The following HS2ST1 variants were observed in gnomAD, a reference collection of about 807,000 sequenced individuals.
HS2ST1 encodes the protein 2-O-sulfotransferase.
A neutral mutation model predicts 42.9 loss-of-function variants in HS2ST1; 18 were observed. The ratio of observed to expected loss-of-function variants is 0.42; its 90% CI spans 0.29 to 0.62. The LOEUF (loss-of-function observed/expected upper bound fraction) is 0.62. Ranked by LOEUF, HS2ST1 falls within the 20% of genes least tolerant of loss-of-function variation. HS2ST1 has a pLI of 0.21. For missense variants in HS2ST1, 334 were observed against 433.8 expected (o/e 0.77, Z 2.04); for synonymous variants, 146 against 152.9 (o/e 0.95, Z 0.33).
chr1:86,999,940 G>A (rs976647295), intron 1 of HS2ST1, among the ~76,000 whole-genome samples: 1 of 152,180 alleles, frequency 6.6e-6, no homozygotes, highest in African/African-American at 2.4e-5. Context: ...GTAAATGGCA[G>A]TAATATTCCA....
intron 1 of HS2ST1, among the ~76,000 whole-genome samples, chr1:86,993,765 A>C (rs2100562797): frequency 6.6e-6 from 1 of 152,336 alleles, no homozygotes; most frequent in African/African-American, 2.4e-5. Context: ...CTTTCAAGGC[A>C]GTGGCATGGG....
At position 87,071,729 on chromosome 1, in the gene HS2ST1, G is replaced by GA. The variant is rs537202045; in HGVS notation, c.125-1188dup. On this transcript the variant is annotated intron_variant, in intron 1 of 6. Transcript: ENST00000370550. ...GGTGACAAAGCGAGACTCTGTCTCC[G>GA]AAAAAAAAAAAAAAAAAGATGATTT... 7.1e-3 allele frequency among the ~76,000 whole-genome samples: 769 copies of GA among 107,762 alleles called. 2 individuals are homozygous for GA. Among genetic ancestry groups the GA allele is most frequent in the Non-Finnish European group, 9.8e-3 (484 of 49,608 alleles). 70.7% of individuals were successfully genotyped at this position (107,762 alleles called of 152,430 possible).
intron 5 of HS2ST1, chr1:87,098,270 G>T (rs1178995713): frequency 2.0e-6 from 2 of 1,012,782 alleles, no homozygotes; most frequent in Non-Finnish European, 2.4e-6. Context: ...AAAGCTTACT[G>T]TTTTAGCTAT....
intron 4 of HS2ST1, among the ~76,000 whole-genome samples, chr1:87,096,389 T>TTA (rs1179679834): frequency 6.6e-6 from 1 of 152,230 alleles, no homozygotes; most frequent in Non-Finnish European, 1.5e-5. Context: ...TTTTCAAATG[T>TTA]TAACATATTT....
intron 2 of HS2ST1, 126 bp from the exon 3 acceptor site, chr1:87,084,068 A>G (rs1651757351): frequency 1.8e-6 from 1 of 560,872 alleles, no homozygotes; most frequent in African/African-American, 1.9e-5. Context: ...TCCTTAGTCC[A>G]AACCTGTGTT....
At chr1:86,964,666 C>G (rs563080638) in intron 1 of HS2ST1, among the ~76,000 whole-genome samples, 1 of 152,130 alleles carries the variant, frequency 6.6e-6, no homozygotes, top group Non-Finnish European at 1.5e-5. Context: ...AGAGGGAGAG[C>G]TGTGTTTATT....
At chr1:87,066,164 G>A (rs1033411565) in intron 1 of HS2ST1, among the ~76,000 whole-genome samples, 1 of 152,254 alleles carries the variant, frequency 6.6e-6, no homozygotes, top group East Asian at 1.9e-4. Flanking sequence ...AAGTCTTTAA[G>A]GGCCTGTCAG....
intron 1 of HS2ST1, chr1:87,045,187 GC>G: frequency 1.1e-6 from 1 of 911,108 alleles, no homozygotes; most frequent in Non-Finnish European, 1.8e-6. Flanking sequence ...GCTTGTTTTG[GC>G]CCCACTTTTT....
At chr1:87,018,641 T>C (rs1266427099) in intron 1 of HS2ST1, among the ~76,000 whole-genome samples, 1 of 152,214 alleles carries the variant, frequency 6.6e-6, no homozygotes, top group East Asian at 1.9e-4. Context: ...GTTCTGCTTA[T>C]GTAGCACCAC....
At chr1:86,968,800 T>A (rs1160734946) in intron 1 of HS2ST1, among the ~76,000 whole-genome samples, 8 of 152,172 alleles carry the variant, frequency 5.3e-5, no homozygotes, top group African/African-American at 1.9e-4. Context: ...AAAAGCTTCA[T>A]GCTGCTAGAT....
intron 4 of HS2ST1, 128 bp downstream of exon 4, chr1:87,092,797 C>A: frequency 2.0e-6 from 1 of 498,662 alleles, no homozygotes; most frequent in Non-Finnish European, 3.1e-6. Context: ...TGAAGAGAAC[C>A]CAAAATATAA....
chr1:86,969,755 TTAAG>T lies in HS2ST1; in HGVS notation c.124+54596_124+54599del, dbSNP rs1030794611. ...AATTAAGTTATATAAAATATCTTAATTAAGAGTTGGCTTTTTACTTTTAGCAGTA... is the reference window on the plus strand; with the variant it reads ...AATTAAGTTATATAAAATATCTTAATAGTTGGCTTTTTACTTTTAGCAGTA... On this transcript the variant is annotated intron_variant, in intron 1 of 6. Transcript: ENST00000370550. 9.9e-4 allele frequency among the ~76,000 whole-genome samples: 150 copies of T among 151,490 alleles called. No homozygotes were observed. In the South Asian group the frequency reaches 0.011, roughly 11 times the overall value.
At chr1:86,933,864 C>T (rs1261611004) in intron 1 of HS2ST1, among the ~76,000 whole-genome samples, 2 of 152,130 alleles carry the variant, frequency 1.3e-5, no homozygotes, top group South Asian at 4.1e-4. Context: ...AATTTCCTCT[C>T]GTGTAACTGC....
chr1:87,054,127 C>G (rs1434870892), intron 1 of HS2ST1, among the ~76,000 whole-genome samples: 1 of 152,154 alleles, frequency 6.6e-6, no homozygotes, highest in Non-Finnish European at 1.5e-5. Context: ...CTCCCTCATA[C>G]TAACCCTGTA....
chr1:87,042,129 A>G (rs1160634829), intron 1 of HS2ST1, among the ~76,000 whole-genome samples: 1 of 152,050 alleles, frequency 6.6e-6, no homozygotes, highest in African/African-American at 2.4e-5. Flanking sequence ...TTCTTTGGAG[A>G]AGTGTCAATT....
At chr1:86,927,486 A>G (rs1021739319) in intron 1 of HS2ST1, among the ~76,000 whole-genome samples, 4 of 152,198 alleles carry the variant, frequency 2.6e-5, no homozygotes, top group African/African-American at 9.6e-5. Context: ...TTAGAGGGAA[A>G]GTAATGTCCA....
chr1:86,988,705 A>G (rs988437679), intron 1 of HS2ST1, among the ~76,000 whole-genome samples: 2 of 152,242 alleles, frequency 1.3e-5, no homozygotes, highest in South Asian at 2.1e-4. Context: ...GCCTAATTAC[A>G]GTCACTGCAC....
intron 5 of HS2ST1, among the ~76,000 whole-genome samples, chr1:87,103,000 A>G (rs1171794387): frequency 6.6e-6 from 1 of 152,204 alleles, no homozygotes; most frequent in African/African-American, 2.4e-5. Context: ...CAGAAATTTC[A>G]GAAAACACTT....
At chr1:87,083,149 A>G (rs566491528) in intron 2 of HS2ST1, among the ~76,000 whole-genome samples, 13 of 152,300 alleles carry the variant, frequency 8.5e-5, no homozygotes, top group African/African-American at 3.1e-4. Context: ...TAGGCCTTTA[A>G]CAGGAGGCAG....
Sources: gnomAD v4.1 joint callset for allele counts (sites outside exome capture counted in the v4.1 genomes callset) on GRCh38, gnomAD v4.1.1 for gene constraint, MANE v1.5 for transcripts, NCBI Gene and HGNC (gene_info 2026-07-23, HGNC 2026-07-21) for gene names.